The following KIAA0753 variants were observed in gnomAD, a reference collection of about 807,000 sequenced individuals.
The protein encoded by KIAA0753 is protein moonraker.
Under a neutral mutation model 116.9 loss-of-function variants are expected in KIAA0753, and 114 were observed. That is an observed-to-expected ratio of 0.98 (90% CI 0.84 to 1.14). The LOEUF (loss-of-function observed/expected upper bound fraction) is 1.14, where lower values mean the gene tolerates loss of function less well. Ranked by LOEUF, KIAA0753 falls within the 50% of genes most tolerant of loss-of-function variation. KIAA0753 has a pLI of 0.00. For missense variants in KIAA0753, 1,156 were observed against 1,172.4 expected, an observed-to-expected ratio of 0.99 and a Z score of 0.20; for synonymous variants, 405 against 413.1, an observed-to-expected ratio of 0.98 and a Z score of 0.24.
At chr17:6,597,781 T>C (rs935030124) in intron 14 of KIAA0753, among the ~76,000 whole-genome samples, 1 of 152,232 alleles carries the variant, frequency 6.6e-6, no homozygotes, top group African/African-American at 2.4e-5. Context: ...TACTTGCAAA[T>C]GTCTCCTCCA....
chr17:6,596,409 T>C (rs1969492303), intron 14 of KIAA0753, 66 bp from the exon 15 acceptor site: 2 of 1,243,116 alleles, frequency 1.6e-6, no homozygotes, highest in South Asian at 1.3e-5. Context: ...GGTGATATAA[T>C]GAAAACAGAA....
chr17:6,589,634 GT>G (rs1436207387), intron 18 of KIAA0753, 144 bp downstream of exon 18: 1 of 580,628 alleles, frequency 1.7e-6, no homozygotes, highest in African/African-American at 1.9e-5. Flanking sequence ...TAGAGAGCCT[GT>G]CTCCTAGCCC....
intron 18 of KIAA0753, among the ~76,000 whole-genome samples, chr17:6,585,910 A>T (rs1968539748): frequency 6.6e-6 from 1 of 152,292 alleles, no homozygotes; most frequent in East Asian, 1.9e-4. Flanking sequence ...AAGAATGTCA[A>T]CCAAGCCTCC....
rs1349477941 is a variant in KIAA0753, at chr17:6,594,999, G to T, written c.2413C>A (p.Arg805=). The T allele has an allele frequency of 6.2e-7, 1 of 1,612,370 alleles. No individual in the cohort carries two copies. The highest frequency in any genetic ancestry group is 2.2e-5 in the East Asian group (1 of 44,858). Residue 805 remains arginine (R), a synonymous_variant, in exon 16 of 19, where the codon CGA becomes AGA. Coordinates refer to ENST00000361413, the MANE Select transcript of KIAA0753 (RefSeq NM_014804.3). ...RYNKIAYADP[R]LWMQEENNDQ... Reference sequence around the variant, plus strand: ...TTGTTTTCTTCCTGCATCCAAAGTCGAGGATCAGCATATGCGATTTTATTA... The same window carrying T: ...TTGTTTTCTTCCTGCATCCAAAGTCTAGGATCAGCATATGCGATTTTATTA...
At chr17:6,619,468 C>T (rs1971157740) in intron 7 of KIAA0753, among the ~76,000 whole-genome samples, 1 of 151,938 alleles carries the variant, frequency 6.6e-6, no homozygotes, top group African/African-American at 2.4e-5. Context: ...ACTCTGTCAC[C>T]CAGGCTGGAG....
chr17:6,625,281 T>C (rs944027813), intron 3 of KIAA0753, among the ~76,000 whole-genome samples: 10 of 152,382 alleles, frequency 6.6e-5, no homozygotes, highest in African/African-American at 2.2e-4. Flanking sequence ...AATAAATGCC[T>C]ATTGATCAGC....
Position 6,578,818 on chromosome 17 carries a change from T to G in KIAA0753, c.*929A>C, listed in dbSNP as rs1241479926. ...CTTTTCTCTTGGAAAACATGATCTG[T>G]AAGATGTTGGAGGACCAGGCTATGA... On this transcript the variant is annotated 3_prime_UTR_variant, in exon 19 of 19. Coordinates refer to ENST00000361413, the MANE Select transcript of KIAA0753 (RefSeq NM_014804.3). 1.3e-5 allele frequency: 2 copies of G among 151,910 alleles called. No homozygotes were observed. The highest frequency in any genetic ancestry group is 2.9e-5 in the Non-Finnish European group (2 of 67,888). 9.4% of individuals were successfully genotyped at this position (151,910 alleles called of 1,614,324 possible).
Position 6,608,347 on chromosome 17 carries a change from C to A in KIAA0753, c.1829+1G>T. ...AAGATCTGAAAAATACCAGCACAAA[C>A]CTGGCTGCTTCATGCTCAACAGCAC... On this transcript the variant is annotated splice_donor_variant, in intron 10 of 18. Coordinates refer to ENST00000361413, the MANE Select transcript of KIAA0753 (RefSeq NM_014804.3). LOFTEE classifies it high-confidence loss of function. 7.0e-7 allele frequency: 1 copy of A among 1,424,558 alleles called. No individual in the cohort carries two copies. Among genetic ancestry groups the A allele is most frequent in the Non-Finnish European group, 9.4e-7 (1 of 1,065,778 alleles). 88.2% of individuals were successfully genotyped at this position (1,424,558 alleles called of 1,614,324 possible).
At chr17:6,612,367 C>T (rs1693502580) in intron 7 of KIAA0753, among the ~76,000 whole-genome samples, 2 of 152,140 alleles carry the variant, frequency 1.3e-5, no homozygotes, top group African/African-American at 4.8e-5. Context: ...TCTTCGCTAT[C>T]ATATTTACTC....
rs932635470 is a variant in KIAA0753, at chr17:6,639,707, C to G, written c.-69+930G>C. On this transcript the variant is annotated intron_variant, in intron 1 of 18. Coordinates refer to ENST00000361413, the MANE Select transcript of KIAA0753 (RefSeq NM_014804.3). The surrounding 1 kb of genome is among the most constrained non-coding windows in gnomAD (Gnocchi z 4.3). ...TCTACCCAGGAAGCTCGGCCAGGAA[C>G]ACCCCTTTCGACAGGTCCCTCTCCT... is the stretch of plus-strand genomic sequence containing the variant. 1 of 153,018 alleles carries G rather than the reference C, an allele frequency of 6.5e-6. No homozygotes were observed. Among genetic ancestry groups the G allele is most frequent in the Non-Finnish European group, 1.5e-5 (1 of 68,410 alleles). The allele number at this position is 153,018 out of a possible 1,614,324, so 9.5% of individuals were successfully genotyped here.
chr17:6,612,693 C>A (rs1413750218), intron 7 of KIAA0753, among the ~76,000 whole-genome samples: 1 of 152,120 alleles, frequency 6.6e-6, no homozygotes, highest in Non-Finnish European at 1.5e-5. Context: ...CATGGTGAAA[C>A]CCCATCTCTA....
Position 6,599,274 on chromosome 17 carries a change from G to A in KIAA0753, c.2135C>T (p.Ser712Leu), listed in dbSNP as rs764208884. The change falls in exon 14 of 19, where the codon TCG becomes TTG. Residue 712 changes from serine (S) to leucine (L), a missense_variant. By Grantham distance (145) the Ser-to-Leu change is moderately radical. Coordinates refer to ENST00000361413, the MANE Select transcript of KIAA0753 (RefSeq NM_014804.3). ...CTGGGCTTTCGCTGTGTTTACTGAC[G>A]AGCCATCTTTCAAATGAATATTTGC... ...TEANIHLKDG[S>L]SVNTAKAQPA... 2.2e-5 allele frequency: 36 copies of A among 1,613,636 alleles called. No homozygotes were observed. The highest frequency in any genetic ancestry group is 1.1e-4 in the African/African-American group (8 of 74,892).
At chr17:6,637,027 A>AG (rs1972368717) in intron 1 of KIAA0753, 1 of 152,262 alleles carries the variant, frequency 6.6e-6, no homozygotes, top group Admixed American at 6.5e-5. Context: ...ACAGCTCCAT[A>AG]ACCTGGCCCC....
In KIAA0753 at chr17:6,578,753, C is replaced by A. The variant is rs1967935600; in HGVS notation, c.*994G>T. On this transcript the variant is annotated 3_prime_UTR_variant, in exon 19 of 19. Coordinates refer to ENST00000361413, the MANE Select transcript of KIAA0753 (RefSeq NM_014804.3). ...CAGTGGCCTGATTCTTACGCACATT[C>A]CGTTTCTTTTTCTGAATTCAGAGTT... 1 of 152,214 alleles carries A rather than the reference C, an allele frequency of 6.6e-6. No homozygotes were observed. The highest frequency in any genetic ancestry group is 2.4e-5 in the African/African-American group (1 of 41,450). The allele number at this position is 152,214 out of a possible 1,614,324, so 9.4% of individuals were successfully genotyped here. A position where few individuals can be genotyped will look rare whatever the true frequency, so the allele number is the denominator to read the frequency against.
intron 2 of KIAA0753, among the ~76,000 whole-genome samples, chr17:6,631,974 C>G (rs1179464844): frequency 2.6e-5 from 4 of 152,170 alleles, no homozygotes; most frequent in Non-Finnish European, 5.9e-5. Flanking sequence ...CCTCCGCCTC[C>G]TGGGTTCAAG....
At position 6,613,174 on chromosome 17, in the gene KIAA0753, GA is replaced by G. The variant is rs1256981564; in HGVS notation, c.1316-1027del. Among the ~76,000 whole-genome samples, 11 of 151,932 alleles carry G rather than the reference GA, an allele frequency of 7.2e-5. No homozygotes were observed. In the East Asian group the frequency reaches 1.5e-3, roughly 21 times the overall value. ...TCAAAATAACTAATAGAAAATATAA[GA>G]AAAAAATCTCATTAACATGACAACA... On this transcript the variant is annotated intron_variant, in intron 7 of 18. Coordinates refer to ENST00000361413, the MANE Select transcript of KIAA0753 (RefSeq NM_014804.3).
chr17:6,634,648 G>T, intron 2 of KIAA0753: 1 of 176,108 alleles, frequency 5.7e-6, no homozygotes, highest in East Asian at 1.4e-4. Flanking sequence ...AATGCTAGGG[G>T]AAAAGACATT....
At chr17:6,615,407 AGATAT>A (rs1439974126) in intron 7 of KIAA0753, among the ~76,000 whole-genome samples, 1 of 152,068 alleles carries the variant, frequency 6.6e-6, no homozygotes, top group African/African-American at 2.4e-5. Flanking sequence ...CTGGCGATTC[AGATAT>A]GCTGAAGAAG....
chr17:6,614,766 T>C (rs1206664932), intron 7 of KIAA0753, among the ~76,000 whole-genome samples: 1 of 152,152 alleles, frequency 6.6e-6, no homozygotes, highest in African/African-American at 2.4e-5. Context: ...TCCAAAAATA[T>C]TCAATGGGAA....
Sources: allele counts gnomAD v4.1 joint callset (sites outside exome capture counted in the v4.1 genomes callset), GRCh38; gene constraint gnomAD v4.1.1; non-coding constraint Gnocchi (gnomAD v3.1); transcripts MANE v1.5; gene names NCBI Gene and HGNC (gene_info 2026-07-23, HGNC 2026-07-21).